ZC3H4: variants seen among roughly 807,000 people sequenced by gnomAD.
The protein encoded by ZC3H4 is zinc finger CCCH domain-containing protein 4.
A neutral mutation model predicts 108.3 loss-of-function variants in ZC3H4; 13 were observed. The ratio of observed to expected loss-of-function variants is 0.12; its 90% CI spans 0.08 to 0.19. The LOEUF is 0.19. Among genes scored for constraint, ZC3H4 ranks in the 10% least tolerant of loss-of-function variants. The probability of loss-of-function intolerance (pLI) is 1.00; values close to 1 mark genes in which losing one functional copy is unlikely to be tolerated. For missense variants in ZC3H4, 1,734 were observed against 1,838.8 expected, an observed-to-expected ratio of 0.94 and a Z score of 1.04; for synonymous variants, 917 against 749.6, an observed-to-expected ratio of 1.22 and a Z score of -3.65.
chr19:47,099,257 C>A (rs1442298584), intron 2 of ZC3H4, among the ~76,000 whole-genome samples: 1 of 152,034 alleles, frequency 6.6e-6, no homozygotes, highest in Non-Finnish European at 1.5e-5. Flanking sequence ...GTCGGGAGTT[C>A]AAGACCAGCC....
intron 2 of ZC3H4, among the ~76,000 whole-genome samples, chr19:47,109,056 ATT>A (rs897803867): frequency 5.9e-5 from 9 of 152,226 alleles, no homozygotes; most frequent in Non-Finnish European, 1.2e-4. Flanking sequence ...GTATAATAAG[ATT>A]TGTTATTAAA....
In ZC3H4 at chr19:47,067,241, G is replaced by A. The variant is rs1304706180; in HGVS notation, c.3027C>T (p.Asp1009=). 3 of 1,602,936 alleles carry A rather than the reference G, an allele frequency of 1.9e-6. No homozygotes were observed. Among genetic ancestry groups the A allele is most frequent in the Non-Finnish European group, 1.7e-6 (2 of 1,174,804 alleles). Residue 1009 remains aspartate, a synonymous_variant, in exon 15 of 15, where the codon GAC becomes GAT. Coordinates refer to ENST00000253048, the MANE Select transcript of ZC3H4 (RefSeq NM_015168.2). This position sits in a 1 kb window ranked among gnomAD's most constrained non-coding sequence, Gnocchi z 6.4. ...CCGTGGCAGCGCGGTGCAGCCGGGG[G>A]TCCAGGGTGGGCATGGATTGCAGGG... The part of the protein sequence containing the change: ...PAALQSMPTL[D]PRLHRAATAG...
intron 11 of ZC3H4, among the ~76,000 whole-genome samples, chr19:47,077,228 TG>T (rs369297383): frequency 1.7e-3 from 264 of 151,932 alleles, no homozygotes; most frequent in African/African-American, 6.2e-3. Flanking sequence ...CCCAGCACTT[TG>T]GGAGGCCTGC....
chr19:47,098,076 T>C (rs1008349856), intron 2 of ZC3H4, among the ~76,000 whole-genome samples: 11 of 152,166 alleles, frequency 7.2e-5, no homozygotes, highest in African/African-American at 2.4e-4. Flanking sequence ...TTTTCAGCAC[T>C]GGCTGCTCCT....
At chr19:47,073,555 G>C (rs965298178) in intron 11 of ZC3H4, among the ~76,000 whole-genome samples, 3 of 152,204 alleles carry the variant, frequency 2.0e-5, no homozygotes, top group Non-Finnish European at 4.4e-5. Flanking sequence ...CTGAGCGACA[G>C]AGCCAGACTC....
intron 11 of ZC3H4, among the ~76,000 whole-genome samples, chr19:47,075,146 T>C (rs1600003191): frequency 6.6e-6 from 1 of 152,100 alleles, no homozygotes; most frequent in Non-Finnish European, 1.5e-5. Flanking sequence ...CCAATAAGAA[T>C]GTGGCTTCAT....
At position 47,066,204 on chromosome 19, in the gene ZC3H4, A is replaced by T. The variant is rs1420807779; in HGVS notation, c.*152T>A. On this transcript the variant is annotated 3_prime_UTR_variant, in exon 15 of 15. Coordinates refer to ENST00000253048, the MANE Select transcript of ZC3H4 (RefSeq NM_015168.2). ...CAAATCTCAAAGAAAGTACTACTTT[A>T]AAAAAAAATAAAAGAGACGGAAAGC... The T allele has an allele frequency of 1.6e-5, 9 of 565,574 alleles. No individual in the cohort carries two copies. Among genetic ancestry groups the T allele is most frequent in the Middle Eastern group, 4.8e-4 (1 of 2,074 alleles). 35.0% of individuals were successfully genotyped at this position (565,574 alleles called of 1,614,324 possible).
At position 47,067,987 on chromosome 19, in the gene ZC3H4, G is replaced by T; in HGVS notation, c.2399-118C>A. On this transcript the variant is annotated intron_variant, in intron 14 of 14. Coordinates refer to ENST00000253048, the MANE Select transcript of ZC3H4 (RefSeq NM_015168.2). The surrounding 1 kb of genome is among the most constrained non-coding windows in gnomAD (Gnocchi z 6.4). ...TTGCTTGTGCCTCTCAGAACCTCAG[G>T]TCCTCCTCTCTAAGGCTCCCTCCCC... 9.8e-7 allele frequency: 1 copy of T among 1,018,072 alleles called. No homozygotes were observed. The highest frequency in any genetic ancestry group is 1.4e-6 in the Non-Finnish European group (1 of 694,364). The allele number at this position is 1,018,072 out of a possible 1,614,324, so 63.1% of individuals were successfully genotyped here.
Position 47,066,453 on chromosome 19 carries a change from G to C in ZC3H4, c.3815C>G (p.Ala1272Gly). The change falls in exon 15 of 15, where the codon GCT becomes GGT. Residue 1272 changes from alanine to glycine, a missense_variant. This residue lies in a region of ZC3H4 where 518 missense variants were observed against 499.6 expected (regional missense o/e 1.04). Transcript: ENST00000253048. ...TPKTGSGSPFAGNSPAREGEQ... is the reference protein window; with the variant it reads ...TPKTGSGSPFGGNSPAREGEQ... ...ACCCTCGCGGGCCGGACTGTTCCCA[G>C]CAAATGGGCTTCCTGAGCCCGTCTT... The C allele has an allele frequency of 3.8e-6, 6 of 1,579,754 alleles. No homozygotes were observed. Among genetic ancestry groups the C allele is most frequent in the Non-Finnish European group, 5.2e-6 (6 of 1,163,660 alleles).
intron 2 of ZC3H4, among the ~76,000 whole-genome samples, chr19:47,100,661 T>C (rs2057891903): frequency 6.6e-6 from 1 of 151,916 alleles, no homozygotes; most frequent in South Asian, 2.1e-4. Flanking sequence ...GTTAATCTTG[T>C]TAGAAATGAG....
At chr19:47,106,497 A>G (rs1038594836) in intron 2 of ZC3H4, among the ~76,000 whole-genome samples, 3 of 152,222 alleles carry the variant, frequency 2.0e-5, no homozygotes, top group South Asian at 2.1e-4. Context: ...AGTTCACTCT[A>G]TCCTTTCTGG....
At chr19:47,068,088 G>C (rs188351879) in intron 14 of ZC3H4, among the ~76,000 whole-genome samples, 1 of 152,152 alleles carries the variant, frequency 6.6e-6, no homozygotes, top group Non-Finnish European at 1.5e-5. Context: ...CCTCAGTGGC[G>C]GCACTGCACT....
chr19:47,070,266 G>C (rs1394402179), intron 13 of ZC3H4, among the ~76,000 whole-genome samples: 1 of 152,170 alleles, frequency 6.6e-6, no homozygotes, highest in Non-Finnish European at 1.5e-5. Context: ...GTGGTGTCTA[G>C]AAAAGTGCAC....
At chr19:47,096,233 G>A (rs907671891) in intron 2 of ZC3H4, among the ~76,000 whole-genome samples, 2 of 152,216 alleles carry the variant, frequency 1.3e-5, no homozygotes, top group African/African-American at 4.8e-5. Flanking sequence ...TCTCAAAACA[G>A]AATGCAGGAC....
At position 47,064,820 on chromosome 19, in the gene ZC3H4, C is replaced by T. The variant is rs1051475462; in HGVS notation, c.*1536G>A. ...TGCAGCCCTGTAGGACACCCTGCCTCCTGGCTCCAAACTATGAGTTTTTCA... is the reference window on the plus strand; with the variant it reads ...TGCAGCCCTGTAGGACACCCTGCCTTCTGGCTCCAAACTATGAGTTTTTCA... On this transcript the variant is annotated 3_prime_UTR_variant, in exon 15 of 15. Transcript: ENST00000253048. The T allele has an allele frequency of 2.0e-5, 3 of 152,078 alleles. No individual in the cohort carries two copies. Among genetic ancestry groups the T allele is most frequent in the Non-Finnish European group, 4.4e-5 (3 of 68,006 alleles). 9.4% of individuals were successfully genotyped at this position (152,078 alleles called of 1,614,324 possible).
chr19:47,103,052 G>A (rs182120864), intron 2 of ZC3H4, among the ~76,000 whole-genome samples: 382 of 152,090 alleles, frequency 2.5e-3, no homozygotes, highest in Non-Finnish European at 4.5e-3. Context: ...CCACTCCCAC[G>A]AGCTCTGAAA....
intron 9 of ZC3H4, among the ~76,000 whole-genome samples, chr19:47,082,744 G>A (rs1016283267): frequency 6.6e-6 from 1 of 152,220 alleles, no homozygotes; most frequent in Non-Finnish European, 1.5e-5. Context: ...TGGCAGAATA[G>A]TAAGCAGGAA....
rs2057191052 is a variant in ZC3H4 at position 47,066,228 on chromosome 19, G to A, written c.*128C>T. ...TAAAAAAAAATAAAAGAGACGGAAAGCAAAAGAAAAAGAAAAGAAAAAAGG... is the reference window on the plus strand; with the variant it reads ...TAAAAAAAAATAAAAGAGACGGAAAACAAAAGAAAAAGAAAAGAAAAAAGG... On this transcript the variant is annotated 3_prime_UTR_variant, in exon 15 of 15. Coordinates refer to ENST00000253048, the MANE Select transcript of ZC3H4 (RefSeq NM_015168.2). 3 of 689,272 alleles carry A rather than the reference G, an allele frequency of 4.4e-6. No homozygotes were observed. The highest frequency in any genetic ancestry group is 4.5e-6 in the Non-Finnish European group (2 of 448,744). 42.7% of individuals were successfully genotyped at this position (689,272 alleles called of 1,614,324 possible). A position where few individuals can be genotyped will look rare whatever the true frequency, so the allele number is the denominator to read the frequency against.
At chr19:47,068,443 C>T (rs146385666) in intron 14 of ZC3H4, among the ~76,000 whole-genome samples, 26 of 152,320 alleles carry the variant, frequency 1.7e-4, no homozygotes, top group African/African-American at 4.8e-4. Context: ...GTGGACCAAC[C>T]GCAGTCACCA....
Sources: allele counts gnomAD v4.1 joint callset (sites outside exome capture counted in the v4.1 genomes callset), GRCh38; gene constraint gnomAD v4.1.1; regional missense constraint gnomAD v4.1.1; non-coding constraint Gnocchi (gnomAD v3.1); transcripts MANE v1.5; gene names NCBI Gene and HGNC (gene_info 2026-07-23, HGNC 2026-07-21).